FAM110B: variants seen among roughly 807,000 people sequenced by gnomAD.
The protein encoded by FAM110B is protein FAM110B.
In FAM110B, 6 loss-of-function variants were observed where a neutral mutation model predicts 20.4. The observed-to-expected ratio is 0.29, with a 90% CI of 0.16 to 0.58. The LOEUF is 0.58. FAM110B is among the 20% of genes least tolerant of loss of function. The pLI, the probability that FAM110B is intolerant of heterozygous loss-of-function variation, is 0.90. For synonymous variants in FAM110B, 226 were observed against 214.1 expected (o/e 1.06, Z -0.49); for missense variants, 434 against 498.2 (o/e 0.87, Z 1.23).
intron 3 of FAM110B, among the ~76,000 whole-genome samples, chr8:58,095,704 G>T (rs147538462): frequency 0.021 from 3,156 of 152,192 alleles, 45 homozygotes; most frequent in Middle Eastern, 0.031. Flanking sequence ...GCTGAGAAGG[G>T]TGTATATTCT....
At chr8:58,000,049 A>G (rs1804261472) in intron 1 of FAM110B, among the ~76,000 whole-genome samples, 1 of 152,228 alleles carries the variant, frequency 6.6e-6, no homozygotes, top group South Asian at 2.1e-4. Flanking sequence ...AGAATACACA[A>G]ATATTCTTAT....
intron 3 of FAM110B, among the ~76,000 whole-genome samples, chr8:58,080,895 C>T (rs964105260): frequency 6.6e-6 from 1 of 152,152 alleles, no homozygotes; most frequent in African/African-American, 2.4e-5. Flanking sequence ...TTACTTGAGT[C>T]CTATGGGTCT....
At chr8:58,081,847 C>A (rs1806200799) in intron 3 of FAM110B, among the ~76,000 whole-genome samples, 1 of 151,916 alleles carries the variant, frequency 6.6e-6, no homozygotes, top group Non-Finnish European at 1.5e-5. Context: ...TCAACAAATT[C>A]ATAATTCATG....
intron 1 of FAM110B, among the ~76,000 whole-genome samples, chr8:58,027,831 G>T (rs55930039): frequency 0.19 from 28,261 of 151,980 alleles, 3,632 homozygotes; most frequent in African/African-American, 0.36. Flanking sequence ...ACAAATTGTT[G>T]ATCCATTCAC....
At chr8:58,127,093 A>G (rs1807527107) in intron 3 of FAM110B, among the ~76,000 whole-genome samples, 1 of 152,220 alleles carries the variant, frequency 6.6e-6, no homozygotes. Context: ...AAAAGGTATG[A>G]GGTCAACGTT....
chr8:58,096,568 A>G (rs1806636976), intron 3 of FAM110B, among the ~76,000 whole-genome samples: 1 of 152,200 alleles, frequency 6.6e-6, no homozygotes, highest in South Asian at 2.1e-4. Flanking sequence ...TTATGCGTGA[A>G]TTTGATCCTG....
chr8:58,044,029 C>T (rs1027314518), intron 2 of FAM110B, among the ~76,000 whole-genome samples: 1 of 152,184 alleles, frequency 6.6e-6, no homozygotes, highest in Non-Finnish European at 1.5e-5. Flanking sequence ...TACACATTTC[C>T]CCTTTTATGG....
chr8:58,051,346 AAG>A (rs1324378911), intron 2 of FAM110B, among the ~76,000 whole-genome samples: 2 of 152,206 alleles, frequency 1.3e-5, no homozygotes, highest in African/African-American at 4.8e-5. Flanking sequence ...TGTGGATGGT[AAG>A]AGGGGAGAAG....
chr8:58,069,509 G>C (rs1421300318), intron 2 of FAM110B, among the ~76,000 whole-genome samples: 6 of 152,176 alleles, frequency 3.9e-5, no homozygotes, highest in African/African-American at 1.4e-4. Context: ...TCTAGAAGTA[G>C]TTTGGCCGTT....
chr8:58,144,539 T>C (rs1563385523), intron 3 of FAM110B, among the ~76,000 whole-genome samples: 1 of 152,204 alleles, frequency 6.6e-6, no homozygotes, highest in Admixed American at 6.5e-5. Flanking sequence ...CCTTCACAGA[T>C]TACTAAAATT....
At chr8:58,078,547 CTTTTTTTTTTT>C (rs71555701) in intron 3 of FAM110B, among the ~76,000 whole-genome samples, 3 of 115,546 alleles carry the variant, frequency 2.6e-5, no homozygotes, top group Admixed American at 9.3e-5. Context: ...AGATTTTTGC[CTTTTTTTTTTT>C]TTTTTTTTTT....
chr8:58,042,743 TAC>T (rs1490756869), intron 2 of FAM110B, among the ~76,000 whole-genome samples: 1 of 152,260 alleles, frequency 6.6e-6, no homozygotes, highest in African/African-American at 2.4e-5. Context: ...TTGTGTTTTC[TAC>T]TATCTAAAAC....
chr8:58,109,546 A>G (rs987696032), intron 3 of FAM110B, among the ~76,000 whole-genome samples: 1 of 152,076 alleles, frequency 6.6e-6, no homozygotes. Flanking sequence ...TCTTTTGGTT[A>G]CTGGCTAGGG....
chr8:58,020,031 T>C (rs1804718568), intron 1 of FAM110B, among the ~76,000 whole-genome samples: 1 of 152,166 alleles, frequency 6.6e-6, no homozygotes, highest in Non-Finnish European at 1.5e-5. Context: ...TTTCTGTCTA[T>C]GATTTAGTAA....
chr8:58,060,345 G>T (rs1805630066), intron 2 of FAM110B, among the ~76,000 whole-genome samples: 1 of 152,184 alleles, frequency 6.6e-6, no homozygotes, highest in African/African-American at 2.4e-5. Context: ...AAAATTTGGT[G>T]CAGTACATTT....
intron 2 of FAM110B, among the ~76,000 whole-genome samples, chr8:58,061,980 T>C (rs1251756270): frequency 6.6e-6 from 1 of 152,204 alleles, no homozygotes; most frequent in Non-Finnish European, 1.5e-5. Flanking sequence ...TATTCTGATG[T>C]TCATATTTTT....
At chr8:58,045,214 C>T (rs1805295559) in intron 2 of FAM110B, among the ~76,000 whole-genome samples, 1 of 152,148 alleles carries the variant, frequency 6.6e-6, no homozygotes, top group Admixed American at 6.5e-5. Flanking sequence ...TAACTGTTCA[C>T]AGCAGTGCTG....
intron 3 of FAM110B, among the ~76,000 whole-genome samples, chr8:58,081,567 A>G (rs1225832050): frequency 6.6e-6 from 1 of 152,062 alleles, no homozygotes; most frequent in African/African-American, 2.4e-5. Context: ...TGTTTCTCCC[A>G]GTTATCTGTC....
At chr8:57,996,191 T>C (rs2150560080) in intron 1 of FAM110B, among the ~76,000 whole-genome samples, 1 of 152,354 alleles carries the variant, frequency 6.6e-6, no homozygotes, top group East Asian at 1.9e-4. Context: ...TACCCTACGG[T>C]ATTTAATCTG....
Sources: gnomAD v4.1 joint callset for allele counts (sites outside exome capture counted in the v4.1 genomes callset) on GRCh38, gnomAD v4.1.1 for gene constraint, MANE v1.5 for transcripts, NCBI Gene and HGNC (gene_info 2026-07-23, HGNC 2026-07-21) for gene names.